The following ENTREP2 variants were observed in gnomAD, a reference collection of about 807,000 sequenced individuals.
ENTREP2 encodes endosomal transmembrane epsin interactor 2.
At chr15:29,500,074 T>G in the ENTREP2 span, among the ~76,000 whole-genome samples, 1 of 152,024 alleles carries the variant, frequency 6.6e-6, no homozygotes, top group Non-Finnish European at 1.5e-5. Context: ...ATACCACACC[T>G]ACCAACAGAG....
the ENTREP2 span, among the ~76,000 whole-genome samples, chr15:29,358,367 A>C: frequency 2.6e-5 from 4 of 152,370 alleles, no homozygotes; most frequent in South Asian, 8.3e-4. Flanking sequence ...CACAAAGTTC[A>C]AAAGCAAAAG....
At chr15:29,473,572 G>C in the ENTREP2 span, among the ~76,000 whole-genome samples, 61,677 of 152,108 alleles carry the variant, frequency 0.41, 12,944 homozygotes, top group African/African-American at 0.52. Context: ...ACCTGGGAGC[G>C]GAAGGCCACC....
the ENTREP2 span, among the ~76,000 whole-genome samples, chr15:29,440,106 G>A: frequency 1.3e-5 from 2 of 152,194 alleles, no homozygotes; most frequent in Non-Finnish European, 2.9e-5. Context: ...CTGAGAAACT[G>A]AGATTAGAGG....
At chr15:29,559,222 T>A in the ENTREP2 span, among the ~76,000 whole-genome samples, 45 of 152,218 alleles carry the variant, frequency 3.0e-4, no homozygotes, top group African/African-American at 1.0e-3. Flanking sequence ...CAGTTTCACA[T>A]ACAGATGACT....
At chr15:29,462,615 CTAATAA>C in the ENTREP2 span, among the ~76,000 whole-genome samples, 3 of 151,456 alleles carry the variant, frequency 2.0e-5, no homozygotes, top group Admixed American at 6.6e-5. Flanking sequence ...GATCTCAAAA[CTAATAA>C]TAATAATAAT....
chr15:29,220,887 T>A, the ENTREP2 span, among the ~76,000 whole-genome samples: 3 of 152,300 alleles, frequency 2.0e-5, no homozygotes, highest in East Asian at 5.8e-4. Context: ...CATTTCGTCA[T>A]ATTCCGTTTG....
chr15:29,589,006 A>G, the ENTREP2 span, among the ~76,000 whole-genome samples: 6 of 151,708 alleles, frequency 4.0e-5, no homozygotes, highest in African/African-American at 1.5e-4. Flanking sequence ...AAAAAAAAAG[A>G]AAAAAGAAAA....
At chr15:29,132,637 G>C in the ENTREP2 span, among the ~76,000 whole-genome samples, 3 of 152,222 alleles carry the variant, frequency 2.0e-5, no homozygotes, top group African/African-American at 7.2e-5. Context: ...GTGTCGCATT[G>C]GTTTCAGAAC....
At chr15:29,158,945 T>A in the ENTREP2 span, among the ~76,000 whole-genome samples, 1 of 152,202 alleles carries the variant, frequency 6.6e-6, no homozygotes, top group Non-Finnish European at 1.5e-5. Flanking sequence ...GTTATGGATA[T>A]TAATAATAAG....
At chr15:29,242,346 G>C in the ENTREP2 span, among the ~76,000 whole-genome samples, 3 of 152,134 alleles carry the variant, frequency 2.0e-5, no homozygotes, top group African/African-American at 7.2e-5. Flanking sequence ...TGGGATTACA[G>C]GCGTGAGCCA....
At chr15:29,153,972 AATATC>A in the ENTREP2 span, among the ~76,000 whole-genome samples, 1 of 152,176 alleles carries the variant, frequency 6.6e-6, no homozygotes, top group Non-Finnish European at 1.5e-5. Context: ...GTGCCCAGCT[AATATC>A]ATCCATTTTA....
chr15:29,247,045 T>C, the ENTREP2 span, among the ~76,000 whole-genome samples: 1 of 149,958 alleles, frequency 6.7e-6, no homozygotes, highest in Non-Finnish European at 1.5e-5. Flanking sequence ...GGGGAGGTGC[T>C]AGGAGCCCAG....
chr15:29,640,022 G>A, the ENTREP2 span, among the ~76,000 whole-genome samples: 1 of 152,130 alleles, frequency 6.6e-6, no homozygotes, highest in Non-Finnish European at 1.5e-5. Flanking sequence ...GCCCGCCTTG[G>A]CCTCCCAAAG....
At chr15:29,118,405 T>C in the ENTREP2 span, 1 of 152,266 alleles carries the variant, frequency 6.6e-6, no homozygotes, top group South Asian at 2.1e-4. Context: ...AAATTCACTA[T>C]GCGGTGGCAG....
chr15:29,541,452 C>T, the ENTREP2 span, among the ~76,000 whole-genome samples: 1 of 152,100 alleles, frequency 6.6e-6, no homozygotes, highest in Non-Finnish European at 1.5e-5. Flanking sequence ...GAGCATGTAA[C>T]AGAAGACAAG....
At chr15:29,129,117 G>C in the ENTREP2 span, among the ~76,000 whole-genome samples, 5 of 152,056 alleles carry the variant, frequency 3.3e-5, no homozygotes, top group Non-Finnish European at 7.4e-5. Flanking sequence ...AGGCTGGAGT[G>C]CAATGGCACG....
chr15:29,446,726 C>T, the ENTREP2 span, among the ~76,000 whole-genome samples: 3 of 152,194 alleles, frequency 2.0e-5, 1 homozygote, highest in South Asian at 6.2e-4. Context: ...GTTAGAAGTC[C>T]CAAACAGGTC....
chr15:29,277,725 C>T, the ENTREP2 span, among the ~76,000 whole-genome samples: 2 of 152,310 alleles, frequency 1.3e-5, no homozygotes, highest in South Asian at 2.1e-4. Flanking sequence ...CTTAAAGCAT[C>T]TCCTACTCTA....
chr15:29,223,879 A>G, the ENTREP2 span, among the ~76,000 whole-genome samples: 8 of 152,146 alleles, frequency 5.3e-5, no homozygotes, highest in African/African-American at 1.9e-4. Context: ...CTGACAGAGG[A>G]CTGACAGACG....
Sources: allele counts gnomAD v4.1 joint callset (sites outside exome capture counted in the v4.1 genomes callset), GRCh38; gene constraint gnomAD v4.1.1; transcripts MANE v1.5; gene names NCBI Gene and HGNC (gene_info 2026-07-23, HGNC 2026-07-21).